PRKN: variants seen among roughly 807,000 people sequenced by gnomAD.
PRKN encodes E3 ubiquitin-protein ligase parkin.
PRKN carries 56 observed loss-of-function variants against 59.5 expected under a neutral mutation model. That is an observed-to-expected ratio of 0.94 (90% CI 0.76 to 1.18). The LOEUF is 1.18. Ranked by LOEUF, PRKN falls within the 50% of genes most tolerant of loss-of-function variation. The pLI, the probability that PRKN is intolerant of heterozygous loss-of-function variation, is 0.00. For missense variants in PRKN, 657 were observed against 596.4 expected (o/e 1.10, Z -1.06); for synonymous variants, 250 against 222.1 (o/e 1.13, Z -1.12).
rs967529919 is a variant in PRKN, at chr6:161,546,295, G to A, written c.1083+2559C>T. Among the ~76,000 whole-genome samples, 4 of 152,100 alleles carry A rather than the reference G, an allele frequency of 2.6e-5. No homozygotes were observed. The highest frequency in any genetic ancestry group is 2.1e-4 in the South Asian group (1 of 4,832). ...ACCCTATTTTAGAGATAAGGAAACCGAGAAAGATGAAAACCACAAGTAGTT... is the reference window on the plus strand; with the variant it reads ...ACCCTATTTTAGAGATAAGGAAACCAAGAAAGATGAAAACCACAAGTAGTT... On this transcript the variant is annotated intron_variant, in intron 9 of 11. Transcript: ENST00000366898. This position sits in a 1 kb window ranked among gnomAD's most constrained non-coding sequence, Gnocchi z 4.4.
intron 2 of PRKN, among the ~76,000 whole-genome samples, chr6:162,364,975 CTCTCTT>C (rs1371926126): frequency 1.3e-4 from 19 of 143,116 alleles, no homozygotes; most frequent in South Asian, 1.3e-3. Flanking sequence ...CTCTCTCTCT[CTCTCTT>C]TTTTTTTTTT....
chr6:161,882,762 G>A (rs1240444690), intron 6 of PRKN, among the ~76,000 whole-genome samples: 3 of 152,304 alleles, frequency 2.0e-5, no homozygotes, highest in Non-Finnish European at 4.4e-5. Context: ...CCAGCACTTT[G>A]GGAGGCCGAG....
chr6:161,463,275 C>T lies in PRKN; in HGVS notation c.1084-76398G>A, dbSNP rs1359101135. 6.6e-6 allele frequency among the ~76,000 whole-genome samples: 1 copy of T among 152,162 alleles called. No homozygotes were observed. The highest frequency in any genetic ancestry group is 1.5e-5 in the Non-Finnish European group (1 of 68,020). ...TGGTGCCTCTCCTGACCCCTCCTCC[C>T]TTGTTACCAAGGATGCCAAAACTTT... On this transcript the variant is annotated intron_variant, in intron 9 of 11. Transcript: ENST00000366898. This position sits in a 1 kb window ranked among gnomAD's most constrained non-coding sequence, Gnocchi z 4.8.
At chr6:161,984,355 T>G (rs577526028) in intron 5 of PRKN, among the ~76,000 whole-genome samples, 2 of 152,274 alleles carry the variant, frequency 1.3e-5, no homozygotes, top group East Asian at 3.9e-4. Flanking sequence ...TCCCGTGGGT[T>G]CAAGCAATTC....
intron 3 of PRKN, among the ~76,000 whole-genome samples, chr6:162,220,760 C>A (rs991136941): frequency 6.6e-6 from 1 of 152,142 alleles, no homozygotes; most frequent in African/African-American, 2.4e-5. Flanking sequence ...GGCAGGCAGC[C>A]GTCAGGGAAA....
At chr6:162,474,230 C>T (rs546467321) in intron 1 of PRKN, among the ~76,000 whole-genome samples, 13 of 152,230 alleles carry the variant, frequency 8.5e-5, no homozygotes, top group Admixed American at 2.6e-4. Context: ...AGGGAAGATA[C>T]GCCAGCATAA....
intron 5 of PRKN, among the ~76,000 whole-genome samples, chr6:161,983,755 G>A (rs888258494): frequency 1.1e-5 from 1 of 89,232 alleles, no homozygotes; most frequent in African/African-American, 4.8e-5. Context: ...GGGGACTGTG[G>A]TGGGGTCGGG....
intron 9 of PRKN, among the ~76,000 whole-genome samples, chr6:161,508,594 C>T (rs1189240703): frequency 6.6e-6 from 1 of 152,126 alleles, no homozygotes; most frequent in Non-Finnish European, 1.5e-5. Flanking sequence ...GTATCATGTC[C>T]CTTAATACAC....
chr6:162,397,040 G>A lies in PRKN; in HGVS notation c.171+46270C>T, dbSNP rs760505. On this transcript the variant is annotated intron_variant, in intron 2 of 11. Coordinates refer to ENST00000366898, the MANE Select transcript of PRKN (RefSeq NM_004562.3). ...GAGATAGTATGCAACCGAGGACAGC[G>A]CAATAAGGGTCACTCCTATGACTTT... 3.3e-5 allele frequency among the ~76,000 whole-genome samples: 5 copies of A among 151,984 alleles called. No individual in the cohort carries two copies. The South Asian group carries it at 8.3e-4, about 25-fold the overall frequency.
At chr6:161,930,733 T>C (rs761819167) in intron 6 of PRKN, among the ~76,000 whole-genome samples, 8 of 152,200 alleles carry the variant, frequency 5.3e-5, no homozygotes, top group Non-Finnish European at 1.2e-4. Context: ...CAGCTGATCT[T>C]CAGATATGAT....
chr6:161,681,653 T>C (rs4709539), intron 7 of PRKN, among the ~76,000 whole-genome samples: 148,126 of 152,314 alleles, frequency 0.97, 72,054 homozygotes, highest in East Asian at 1. Context: ...CTGGTTCTGA[T>C]GGGCAGCTCA....
At chr6:162,212,256 C>G (rs1242589959) in intron 3 of PRKN, among the ~76,000 whole-genome samples, 1 of 152,050 alleles carries the variant, frequency 6.6e-6, no homozygotes. Context: ...AGTGACTTCA[C>G]CTGTTTAAGT....
At chr6:162,564,647 T>C (rs1779983574) in intron 1 of PRKN, among the ~76,000 whole-genome samples, 1 of 152,142 alleles carries the variant, frequency 6.6e-6, no homozygotes, top group Non-Finnish European at 1.5e-5. Context: ...CCAAAACATC[T>C]GGCAGCAGAC....
chr6:161,666,314 C>T (rs936339870), intron 7 of PRKN, among the ~76,000 whole-genome samples: 2 of 152,142 alleles, frequency 1.3e-5, no homozygotes, highest in African/African-American at 4.8e-5. Flanking sequence ...ATTACCTTCT[C>T]ATAGGAGCAT....
rs148934310 is a variant in PRKN at position 162,343,862 on chromosome 6, T to C, written c.172-81097A>G. Among the ~76,000 whole-genome samples the C allele has an allele frequency of 1.5e-3, 226 of 152,246 alleles. 1 individual carries two copies. The highest frequency in any genetic ancestry group is 5.1e-3 in the African/African-American group (212 of 41,554). On this transcript the variant is annotated intron_variant, in intron 2 of 11. Transcript: ENST00000366898. ...AAGAAAGCTTCTGCTAAAACCAACATATACAAAAACGTTACTTATGAAATA... is the reference window on the plus strand; with the variant it reads ...AAGAAAGCTTCTGCTAAAACCAACACATACAAAAACGTTACTTATGAAATA...
intron 6 of PRKN, among the ~76,000 whole-genome samples, chr6:161,834,644 GC>G (rs1245805487): frequency 6.6e-6 from 1 of 152,244 alleles, no homozygotes; most frequent in Admixed American, 6.5e-5. Context: ...ACTGCATTCT[GC>G]AAATTGCTGG....
chr6:161,856,186 C>G (rs1481488537), intron 6 of PRKN, among the ~76,000 whole-genome samples: 1 of 151,960 alleles, frequency 6.6e-6, no homozygotes, highest in Non-Finnish European at 1.5e-5. Flanking sequence ...ACGGTGAAAC[C>G]CAGTCTCTAC....
intron 1 of PRKN, among the ~76,000 whole-genome samples, chr6:162,470,710 A>G (rs1791687916): frequency 6.6e-6 from 1 of 152,218 alleles, no homozygotes; most frequent in South Asian, 2.1e-4. Flanking sequence ...AGGCAAAGCT[A>G]CACCTGAGGC....
intron 5 of PRKN, among the ~76,000 whole-genome samples, chr6:161,991,101 G>A (rs1781629959): frequency 6.6e-6 from 1 of 152,108 alleles, no homozygotes; most frequent in Non-Finnish European, 1.5e-5. Flanking sequence ...ATGATATAGA[G>A]TGCTGAATGA....
Sources: allele counts gnomAD v4.1 joint callset (sites outside exome capture counted in the v4.1 genomes callset), GRCh38; gene constraint gnomAD v4.1.1; non-coding constraint Gnocchi (gnomAD v3.1); transcripts MANE v1.5; gene names NCBI Gene and HGNC (gene_info 2026-07-23, HGNC 2026-07-21).